Variants in KLHL7 observed in about 807,000 individuals in gnomAD.
KLHL7 encodes the protein kelch-like protein 7.
A neutral mutation model predicts 67.4 loss-of-function variants in KLHL7; 44 were observed. The observed-to-expected ratio is 0.65, with a 90% CI of 0.51 to 0.84. The LOEUF (loss-of-function observed/expected upper bound fraction) is 0.84. KLHL7 is among the 40% of genes least tolerant of loss of function. The pLI, the probability that KLHL7 is intolerant of heterozygous loss-of-function variation, is 0.00. For missense variants in KLHL7, 362 were observed against 718.1 expected (o/e 0.50, Z 5.67); for synonymous variants, 252 against 243.3 (o/e 1.04, Z -0.33).
chr7:23,152,321 T>C (rs974265249), intron 7 of KLHL7, 112 bp downstream of exon 7: 14 of 980,248 alleles, frequency 1.4e-5, no homozygotes, highest in Non-Finnish European at 1.9e-5. Flanking sequence ...TGATAGTTTA[T>C]GGTGTTCTTT....
At chr7:23,164,972 T>C (rs1481711654) in intron 7 of KLHL7, among the ~76,000 whole-genome samples, 3 of 152,228 alleles carry the variant, frequency 2.0e-5, no homozygotes, top group African/African-American at 4.8e-5. Flanking sequence ...CATCCCCCCA[T>C]GCACATACAT....
At chr7:23,149,503 C>G (rs1157272640) in intron 6 of KLHL7, among the ~76,000 whole-genome samples, 1 of 152,156 alleles carries the variant, frequency 6.6e-6, no homozygotes, top group Non-Finnish European at 1.5e-5. Flanking sequence ...TGTGTGGAAC[C>G]ATCCTAGAGC....
At chr7:23,108,952 A>C (rs1326307079) in intron 1 of KLHL7, among the ~76,000 whole-genome samples, 2 of 152,238 alleles carry the variant, frequency 1.3e-5, no homozygotes, top group African/African-American at 4.8e-5. Context: ...GGTTATTTCT[A>C]GTTTGGAACT....
intron 1 of KLHL7, chr7:23,106,570 A>G (rs2072369): frequency 0.38 from 399,872 of 1,047,024 alleles, 79,349 homozygotes; most frequent in African/African-American, 0.65. Context: ...TGCTGGCCTG[A>G]CATCAGCTGC....
chr7:23,124,290 C>T (rs956691404), intron 2 of KLHL7, among the ~76,000 whole-genome samples: 1 of 147,974 alleles, frequency 6.8e-6, no homozygotes, highest in South Asian at 2.1e-4. Context: ...AATATTTTAG[C>T]CGGCAAGTTA....
At chr7:23,109,613 G>C (rs1286268533) in intron 1 of KLHL7, among the ~76,000 whole-genome samples, 1 of 152,126 alleles carries the variant, frequency 6.6e-6, no homozygotes, top group Non-Finnish European at 1.5e-5. Flanking sequence ...AGTTAACTGG[G>C]CTCACCTTCC....
intron 7 of KLHL7, among the ~76,000 whole-genome samples, chr7:23,156,673 C>T (rs895890265): frequency 3.3e-5 from 5 of 152,110 alleles, no homozygotes; most frequent in East Asian, 1.9e-4. Context: ...ACTAGCAGGG[C>T]GAGGGCCAGA....
chr7:23,163,119 G>A (rs1324545660), intron 7 of KLHL7, among the ~76,000 whole-genome samples: 1 of 151,964 alleles, frequency 6.6e-6, no homozygotes, highest in Non-Finnish European at 1.5e-5. Flanking sequence ...TTGCCTTGAG[G>A]CATTTAGAGA....
At chr7:23,121,181 G>A (rs1031565373) in intron 1 of KLHL7, among the ~76,000 whole-genome samples, 10 of 152,148 alleles carry the variant, frequency 6.6e-5, no homozygotes, top group Admixed American at 1.3e-4. Flanking sequence ...TCTTTGCTAT[G>A]GCTGAATATT....
chr7:23,171,559 T>A (rs944398247), intron 9 of KLHL7, among the ~76,000 whole-genome samples: 1 of 152,202 alleles, frequency 6.6e-6, no homozygotes, highest in African/African-American at 2.4e-5. Context: ...AGCCATGCTG[T>A]CCACCTCACC....
intron 8 of KLHL7, 111 bp downstream of exon 8, chr7:23,166,049 A>T: frequency 8.0e-7 from 1 of 1,247,824 alleles, no homozygotes; most frequent in South Asian, 1.2e-5. Flanking sequence ...CTTTCTTGGT[A>T]ATTTAAATAT....
chr7:23,120,270 A>G (rs1437214852), intron 1 of KLHL7, among the ~76,000 whole-genome samples: 2 of 152,140 alleles, frequency 1.3e-5, no homozygotes, highest in Non-Finnish European at 2.9e-5. Flanking sequence ...TCGGCCTTCC[A>G]AAGTGTTTGG....
At chr7:23,109,377 C>T (rs1331149073) in intron 1 of KLHL7, among the ~76,000 whole-genome samples, 3 of 152,242 alleles carry the variant, frequency 2.0e-5, no homozygotes, top group Non-Finnish European at 4.4e-5. Context: ...CACTATTGCA[C>T]ATGCACATTG....
intron 1 of KLHL7, among the ~76,000 whole-genome samples, chr7:23,122,670 T>TA (rs746740710): frequency 1.8e-4 from 28 of 152,236 alleles, no homozygotes; most frequent in Non-Finnish European, 2.5e-4. Flanking sequence ...CCTAGCCTGC[T>TA]ATTTGAGGCT....
At chr7:23,137,640 G>A (rs1393803615) in intron 4 of KLHL7, among the ~76,000 whole-genome samples, 3 of 150,962 alleles carry the variant, frequency 2.0e-5, no homozygotes, top group Non-Finnish European at 3.0e-5. Flanking sequence ...CAGCATGCCC[G>A]GCTAATTTTT....
intron 7 of KLHL7, among the ~76,000 whole-genome samples, chr7:23,158,607 AG>A (rs1489316825): frequency 2.0e-5 from 3 of 152,200 alleles, no homozygotes; most frequent in Non-Finnish European, 4.4e-5. Flanking sequence ...TGGTTGTAAA[AG>A]TATGTTTAAA....
intron 6 of KLHL7, among the ~76,000 whole-genome samples, chr7:23,149,871 T>C (rs922755503): frequency 2.6e-5 from 4 of 152,196 alleles, no homozygotes; most frequent in African/African-American, 9.6e-5. Context: ...AACTCTGAAA[T>C]GGAAGAAATG....
In KLHL7 at chr7:23,105,944, T is replaced by C. The variant is rs1216016123; in HGVS notation, c.-83T>C. 2.6e-6 allele frequency: 4 copies of C among 1,555,374 alleles called. No individual in the cohort carries two copies. Among genetic ancestry groups the C allele is most frequent in the Non-Finnish European group, 3.5e-6 (4 of 1,154,450 alleles). Reference sequence around the variant, plus strand: ...CTGCACTGCCGATCGCCGTGTTTGGTCGATAGAATCCCCAGTGTGCCCAGA... The same window carrying C: ...CTGCACTGCCGATCGCCGTGTTTGGCCGATAGAATCCCCAGTGTGCCCAGA... On this transcript the variant is annotated 5_prime_UTR_variant, in exon 1 of 11. Transcript: ENST00000339077.
chr7:23,147,136 C>T (rs1562577697), intron 6 of KLHL7, among the ~76,000 whole-genome samples: 2 of 147,998 alleles, frequency 1.4e-5, no homozygotes, highest in Non-Finnish European at 1.5e-5. Flanking sequence ...GGCTTCCAGG[C>T]TGGAGTGCAG....
Sources: gnomAD v4.1 joint callset for allele counts (sites outside exome capture counted in the v4.1 genomes callset) on GRCh38, gnomAD v4.1.1 for gene constraint, MANE v1.5 for transcripts, NCBI Gene and HGNC (gene_info 2026-07-23, HGNC 2026-07-21) for gene names.